ARHGAP5: variants seen among roughly 807,000 people sequenced by gnomAD.
ARHGAP5 encodes rho GTPase-activating protein 5.
In ARHGAP5, 23 loss-of-function variants were observed where a neutral mutation model predicts 116.6. The observed-to-expected ratio is 0.20, with a 90% CI of 0.14 to 0.28. The LOEUF (loss-of-function observed/expected upper bound fraction) is 0.28, where lower values mean the gene tolerates loss of function less well. ARHGAP5 is among the 10% of genes least tolerant of loss of function. ARHGAP5 has a pLI of 1.00. For missense variants in ARHGAP5, 1,405 were observed against 1,774.8 expected, an observed-to-expected ratio of 0.79 and a Z score of 3.74; for synonymous variants, 574 against 602.0, an observed-to-expected ratio of 0.95 and a Z score of 0.68.
At chr14:32,126,635 A>G (rs1422161509) in intron 3 of ARHGAP5, among the ~76,000 whole-genome samples, 1 of 152,200 alleles carries the variant, frequency 6.6e-6, no homozygotes, top group Non-Finnish European at 1.5e-5. Context: ...TCAACTCATA[A>G]TACCTTTCAT....
chr14:32,091,481 C>T lies in ARHGAP5; in HGVS notation c.812C>T (p.Thr271Ile), dbSNP rs779993349. 1 of 1,613,136 alleles carries T rather than the reference C, an allele frequency of 6.2e-7. No individual in the cohort carries two copies. Among genetic ancestry groups the T allele is most frequent in the Non-Finnish European group, 8.5e-7 (1 of 1,179,522 alleles). Residue 271 changes from threonine to isoleucine, a missense_variant, in exon 2 of 7, where the codon ACA (threonine) becomes ATA (isoleucine). Transcript: ENST00000345122. Reference protein sequence around the residue: ...AYKTQRQLVVTATDKFEKLVQ... With the variant: ...AYKTQRQLVVIATDKFEKLVQ... ...AAAACACAGAGACAACTTGTTGTCA[C>T]AGCAACAGATAAGTTTGAAAAACTT...
intron 4 of ARHGAP5, among the ~76,000 whole-genome samples, chr14:32,147,435 G>T (rs963713601): frequency 3.3e-5 from 5 of 152,118 alleles, no homozygotes; most frequent in Non-Finnish European, 7.3e-5. Flanking sequence ...AAAATTAAAG[G>T]ATTATATTTA....
At chr14:32,124,362 G>A (rs751680721) in intron 3 of ARHGAP5, among the ~76,000 whole-genome samples, 2 of 152,180 alleles carry the variant, frequency 1.3e-5, no homozygotes, top group South Asian at 4.2e-4. Flanking sequence ...GTTAACCAGG[G>A]CATCATGGTG....
intron 1 of ARHGAP5, 41 bp downstream of exon 1, chr14:32,077,476 C>G: frequency 1.5e-6 from 1 of 685,444 alleles, no homozygotes; most frequent in Non-Finnish European, 2.7e-6. Flanking sequence ...CCTGCCTGCC[C>G]CCTCCCGGAC....
intron 3 of ARHGAP5, among the ~76,000 whole-genome samples, chr14:32,141,158 A>G (rs557580047): frequency 1.3e-4 from 20 of 152,264 alleles, no homozygotes; most frequent in African/African-American, 4.6e-4. Flanking sequence ...TTTATATGGA[A>G]TGTACTTTTC....
chr14:32,093,841 C>G lies in ARHGAP5; in HGVS notation c.3172C>G (p.Leu1058Val), dbSNP rs754974425. 5 of 1,613,532 alleles carry G rather than the reference C, an allele frequency of 3.1e-6. No individual in the cohort carries two copies. The East Asian group carries it at 8.9e-5, about 29-fold the overall frequency. ...AAATGTGAAAAAACTCGATCCAAAC[C>G]TTTTAAAAACAATTGAAGCTGGTAT... The part of the protein sequence containing the change: ...KTNVKKLDPN[L>V]LKTIEAGIGK... The change falls in exon 2 of 7, where the codon CTT becomes GTT. Residue 1058 changes from leucine to valine, a missense_variant. Leu to Val is a conservative substitution (Grantham distance 32, BLOSUM62 1). This residue lies in a region of ARHGAP5 where 944 missense variants were observed against 1,095.3 expected (regional missense o/e 0.86). Coordinates refer to ENST00000345122, the MANE Select transcript of ARHGAP5 (RefSeq NM_001030055.2).
At chr14:32,131,405 A>T (rs760235357) in intron 3 of ARHGAP5, among the ~76,000 whole-genome samples, 3 of 152,154 alleles carry the variant, frequency 2.0e-5, no homozygotes, top group Non-Finnish European at 4.4e-5. Context: ...TTTGAAATAT[A>T]CATTTCAGTA....
In ARHGAP5 at chr14:32,158,213, TAAA is replaced by T. The variant is rs1881981333; in HGVS notation, c.*3268_*3270del. 6.6e-6 allele frequency: 1 copy of T among 151,682 alleles called. No individual in the cohort carries two copies. The highest frequency in any genetic ancestry group is 1.5e-5 in the Non-Finnish European group (1 of 67,736). The allele number at this position is 151,682 out of a possible 1,614,324, so 9.4% of individuals were successfully genotyped here. A position where few individuals can be genotyped will look rare whatever the true frequency, so the allele number is the denominator to read the frequency against. The stretch of plus-strand genomic sequence containing the variant: ...AATTTTTTTCAAGTGAAATGAAAAA[TAAA>T]AATATAAATTTATCAATATGATGGA... On this transcript the variant is annotated 3_prime_UTR_variant, in exon 7 of 7. Transcript: ENST00000345122.
chr14:32,154,654 A>G lies in ARHGAP5; in HGVS notation c.4215A>G (p.Thr1405=), dbSNP rs747550599. The G allele has an allele frequency of 8.1e-6, 13 of 1,612,586 alleles. No homozygotes were observed. Among genetic ancestry groups the G allele is most frequent in the Non-Finnish European group, 1.1e-5 (13 of 1,178,818 alleles). The change falls in exon 7 of 7, where the codon ACA becomes ACG. Residue 1405 remains threonine (T), a synonymous_variant. Transcript: ENST00000345122. ...AGCAACATAAAATCAACCTAATGAC[A>G]GCAGACAACTTATCCATCTGTTTTT... The part of the protein sequence containing the change: ...VSQQHKINLM[T]ADNLSICFWP...
Position 32,093,043 on chromosome 14 carries a change from G to A in ARHGAP5, c.2374G>A (p.Val792Met). 1 of 1,614,010 alleles carries A rather than the reference G, an allele frequency of 6.2e-7. No homozygotes were observed. The highest frequency in any genetic ancestry group is 8.5e-7 in the Non-Finnish European group (1 of 1,179,918). ...MCAMCGDPFS[V>M]DLILSPFLDS... The stretch of plus-strand genomic sequence containing the variant: ...CGCCATGTGTGGAGATCCATTTAGT[G>A]TGGATCTTATTCTTTCACCCTTCCT... Residue 792 changes from valine (V) to methionine (M), a missense_variant, in exon 2 of 7, where the codon GTG becomes ATG. Coordinates refer to ENST00000345122, the MANE Select transcript of ARHGAP5 (RefSeq NM_001030055.2).
chr14:32,145,964 T>G (rs8021655), intron 3 of ARHGAP5, among the ~76,000 whole-genome samples: 8,686 of 152,202 alleles, frequency 0.057, 835 homozygotes, highest in African/African-American at 0.19. Flanking sequence ...GGTTTTTTTT[T>G]GGAGACAGGG....
intron 3 of ARHGAP5, among the ~76,000 whole-genome samples, chr14:32,135,840 G>T (rs989665432): frequency 1.1e-4 from 17 of 152,190 alleles, no homozygotes; most frequent in Non-Finnish European, 2.4e-4. Context: ...ATAGTGCCTA[G>T]TTAATTTTTA....
At chr14:32,103,791 A>G (rs1031477438) in intron 2 of ARHGAP5, among the ~76,000 whole-genome samples, 2 of 152,160 alleles carry the variant, frequency 1.3e-5, no homozygotes, top group African/African-American at 4.8e-5. Flanking sequence ...TCAAGTAAAT[A>G]GGGCTTAATC....
intron 3 of ARHGAP5, among the ~76,000 whole-genome samples, chr14:32,142,910 C>T (rs1436967854): frequency 6.6e-6 from 1 of 152,184 alleles, no homozygotes; most frequent in Non-Finnish European, 1.5e-5. Context: ...TTATCCACCA[C>T]TTTTGGTGAC....
intron 3 of ARHGAP5, among the ~76,000 whole-genome samples, chr14:32,142,921 A>G (rs1881193066): frequency 1.3e-5 from 2 of 152,178 alleles, no homozygotes; most frequent in African/African-American, 2.4e-5. Flanking sequence ...TTTTGGTGAC[A>G]TCACTCCCCA....
chr14:32,116,665 A>G lies in ARHGAP5; in HGVS notation c.3718-475A>G, dbSNP rs1306167693. ...GAAGAAAATGGAAAAATAAGGGACA[A>G]ATGATGGAACTAACGGTTCATGGAG... On this transcript the variant is annotated intron_variant, in intron 2 of 6. Transcript: ENST00000345122. 3.9e-5 allele frequency among the ~76,000 whole-genome samples: 6 copies of G among 152,296 alleles called. No individual in the cohort carries two copies. In the East Asian group the frequency reaches 5.8e-4, roughly 15 times the overall value.
At position 32,155,144 on chromosome 14, in the gene ARHGAP5, G is replaced by A. The variant is rs1881837401; in HGVS notation, c.*196G>A. On this transcript the variant is annotated 3_prime_UTR_variant, in exon 7 of 7. Coordinates refer to ENST00000345122, the MANE Select transcript of ARHGAP5 (RefSeq NM_001030055.2). ...ACCATGTGATAAGCATGACTGGAGAGGTTTAATTTTTATAAACAAAAATAG... is the reference window on the plus strand; with the variant it reads ...ACCATGTGATAAGCATGACTGGAGAAGTTTAATTTTTATAAACAAAAATAG... 1.8e-6 allele frequency: 1 copy of A among 555,164 alleles called. No individual in the cohort carries two copies. The allele number at this position is 555,164 out of a possible 1,614,324, so 34.4% of individuals were successfully genotyped here. A position where few individuals can be genotyped will look rare whatever the true frequency, so the allele number is the denominator to read the frequency against.
At chr14:32,151,524 C>T (rs919035187) in intron 5 of ARHGAP5, among the ~76,000 whole-genome samples, 3 of 152,230 alleles carry the variant, frequency 2.0e-5, no homozygotes, top group Non-Finnish European at 2.9e-5. Flanking sequence ...CAGTTTTTGG[C>T]AGACTTTTAA....
intron 2 of ARHGAP5, among the ~76,000 whole-genome samples, chr14:32,095,573 C>G (rs1460285714): frequency 6.6e-6 from 1 of 151,998 alleles, no homozygotes; most frequent in Non-Finnish European, 1.5e-5. Context: ...GCCACCATGC[C>G]TGGCTAATTT....
Sources: allele counts gnomAD v4.1 joint callset (sites outside exome capture counted in the v4.1 genomes callset), GRCh38; gene constraint gnomAD v4.1.1; regional missense constraint gnomAD v4.1.1; transcripts MANE v1.5; gene names NCBI Gene and HGNC (gene_info 2026-07-23, HGNC 2026-07-21).